ERC2: variants seen among roughly 807,000 people sequenced by gnomAD.
The protein encoded by ERC2 is ELKS/RAB6-interacting/CAST family member 2, also known as ERC protein 2.
ERC2 carries 42 observed loss-of-function variants against 114.8 expected under a neutral mutation model. The ratio of observed to expected loss-of-function variants is 0.37; its 90% CI spans 0.29 to 0.47. ERC2 has a LOEUF of 0.47. Among genes scored for constraint, ERC2 ranks in the 20% least tolerant of loss-of-function variants. The probability of loss-of-function intolerance (pLI) is 0.99; values close to 1 mark genes in which losing one functional copy is unlikely to be tolerated. For missense variants in ERC2, 939 were observed against 1,150.7 expected (o/e 0.82, Z 2.66); for synonymous variants, 454 against 425.5 (o/e 1.07, Z -0.82).
chr3:55,679,698 A>G (rs896949978), intron 17 of ERC2, among the ~76,000 whole-genome samples: 3 of 152,234 alleles, frequency 2.0e-5, no homozygotes, highest in Non-Finnish European at 4.4e-5. Flanking sequence ...CAGTTATACA[A>G]AATCTAAATT....
chr3:55,833,997 T>G (rs1309831337), intron 14 of ERC2, among the ~76,000 whole-genome samples: 3 of 150,326 alleles, frequency 2.0e-5, no homozygotes, highest in African/African-American at 7.3e-5. Flanking sequence ...CCAACAAAGA[T>G]CAAAAGAGAC....
At chr3:56,151,896 G>A (rs1367216413) in intron 4 of ERC2, among the ~76,000 whole-genome samples, 1 of 152,146 alleles carries the variant, frequency 6.6e-6, no homozygotes, top group Non-Finnish European at 1.5e-5. Flanking sequence ...GTTTCAGAAA[G>A]TAAAGCAACA....
Position 55,763,525 on chromosome 3 carries a change from G to A in ERC2, c.2565-28607C>T, listed in dbSNP as rs371394339. On this transcript the variant is annotated intron_variant, in intron 14 of 17. Coordinates refer to ENST00000288221, the MANE Select transcript of ERC2 (RefSeq NM_015576.3). ...GGGACTCTGACTCCTGCCAACTGGTGACCCTGAGCTTCAGTTCTGCCATCT... is the reference window on the plus strand; with the variant it reads ...GGGACTCTGACTCCTGCCAACTGGTAACCCTGAGCTTCAGTTCTGCCATCT... Among the ~76,000 whole-genome samples the A allele has an allele frequency of 7.9e-5, 12 of 152,306 alleles. No individual in the cohort carries two copies. In the East Asian group the frequency reaches 1.2e-3, roughly 15 times the overall value.
chr3:55,691,729 A>G (rs1377758534), intron 16 of ERC2, among the ~76,000 whole-genome samples: 4 of 151,528 alleles, frequency 2.6e-5, no homozygotes, highest in East Asian at 1.9e-4. Flanking sequence ...GGTTTTTTGT[A>G]TGTTCCATAA....
At chr3:55,900,594 C>T (rs1332955037) in intron 13 of ERC2, among the ~76,000 whole-genome samples, 1 of 152,166 alleles carries the variant, frequency 6.6e-6, no homozygotes, top group Non-Finnish European at 1.5e-5. Context: ...TTTCTATCAG[C>T]TCAAATCAAG....
chr3:56,214,954 T>G (rs527507582), intron 3 of ERC2, among the ~76,000 whole-genome samples: 2 of 152,302 alleles, frequency 1.3e-5, no homozygotes, highest in East Asian at 3.9e-4. Flanking sequence ...AGAGATCTTG[T>G]CATCACCATG....
Position 55,986,014 on chromosome 3 carries a change from C to A in ERC2, c.2256-26G>T, listed in dbSNP as rs1490246788. The A allele has an allele frequency of 2.0e-6, 3 of 1,537,890 alleles. No homozygotes were observed. In the South Asian group the frequency reaches 3.6e-5, roughly 18 times the overall value. Reference sequence around the variant, plus strand: ...CTGATTGGAGCAAGGGTGAAAGCAGCAATTTGGAGGATAAGCAGAAAGGAA... The same window carrying A: ...CTGATTGGAGCAAGGGTGAAAGCAGAAATTTGGAGGATAAGCAGAAAGGAA... On this transcript the variant is annotated intron_variant, in intron 11 of 17. Transcript: ENST00000288221.
chr3:55,650,851 T>C (rs2643617), intron 17 of ERC2, among the ~76,000 whole-genome samples: 137 of 124,436 alleles, frequency 1.1e-3, no homozygotes, highest in Non-Finnish European at 1.6e-3. Flanking sequence ...GTTTTTTTTT[T>C]CTTTTTTTTT....
At chr3:56,335,220 G>T (rs1384177609) in intron 2 of ERC2, among the ~76,000 whole-genome samples, 1 of 152,188 alleles carries the variant, frequency 6.6e-6, no homozygotes, top group Non-Finnish European at 1.5e-5. Context: ...AAGGCTGGTG[G>T]ATATTCTATT....
intron 2 of ERC2, among the ~76,000 whole-genome samples, chr3:56,324,364 A>G (rs2057262075): frequency 6.6e-6 from 1 of 152,184 alleles, no homozygotes; most frequent in Non-Finnish European, 1.5e-5. Flanking sequence ...TTGACTTAGC[A>G]CAAGGTTATG....
At chr3:56,328,764 A>G (rs1212201787) in intron 2 of ERC2, among the ~76,000 whole-genome samples, 2 of 152,216 alleles carry the variant, frequency 1.3e-5, no homozygotes, top group Non-Finnish European at 2.9e-5. Context: ...GTCACACACA[A>G]GAATAAGAGC....
intron 6 of ERC2, among the ~76,000 whole-genome samples, chr3:56,130,875 G>C (rs76262138): frequency 0.01 from 1,549 of 152,282 alleles, 32 homozygotes; most frequent in African/African-American, 0.035. Flanking sequence ...TCATTTGCTA[G>C]ATACAGGGAC....
At chr3:56,166,565 T>C (rs1423205993) in intron 4 of ERC2, among the ~76,000 whole-genome samples, 1 of 152,102 alleles carries the variant, frequency 6.6e-6, no homozygotes, top group Non-Finnish European at 1.5e-5. Flanking sequence ...ATTTATAGAA[T>C]CATTTCCTTT....
intron 17 of ERC2, among the ~76,000 whole-genome samples, chr3:55,599,303 A>G (rs1008623226): frequency 1.3e-5 from 2 of 152,158 alleles, no homozygotes; most frequent in Non-Finnish European, 2.9e-5. Flanking sequence ...AACACATCCT[A>G]TGAAGCATGG....
At chr3:55,909,329 G>T (rs1021111314) in intron 13 of ERC2, among the ~76,000 whole-genome samples, 1 of 152,216 alleles carries the variant, frequency 6.6e-6, no homozygotes, top group Non-Finnish European at 1.5e-5. Flanking sequence ...TGCTCCAGAA[G>T]GTGGCCAAAA....
At chr3:55,602,013 T>A (rs2058428756) in intron 17 of ERC2, among the ~76,000 whole-genome samples, 2 of 152,220 alleles carry the variant, frequency 1.3e-5, no homozygotes, top group South Asian at 4.1e-4. Context: ...TCAATAACTA[T>A]TTCTGAATGG....
At chr3:56,144,896 CA>C (rs1302437790) in intron 5 of ERC2, among the ~76,000 whole-genome samples, 1 of 152,108 alleles carries the variant, frequency 6.6e-6, no homozygotes, top group African/African-American at 2.4e-5. Flanking sequence ...GCTTCTTTTA[CA>C]GCCATAAATT....
At chr3:55,627,096 C>A (rs1312080709) in intron 17 of ERC2, among the ~76,000 whole-genome samples, 1 of 152,228 alleles carries the variant, frequency 6.6e-6, no homozygotes, top group Non-Finnish European at 1.5e-5. Context: ...GTGGATAAAT[C>A]ATCTCTGAAT....
At chr3:56,007,434 G>A in intron 9 of ERC2, 113 bp from the exon 10 acceptor site, 1 of 968,788 alleles carries the variant, frequency 1.0e-6, no homozygotes, top group Non-Finnish European at 1.5e-6. Flanking sequence ...AGACAGAAAG[G>A]GTAAATATAA....
Sources: gnomAD v4.1 joint callset for allele counts (sites outside exome capture counted in the v4.1 genomes callset) on GRCh38, gnomAD v4.1.1 for gene constraint, MANE v1.5 for transcripts, NCBI Gene and HGNC (gene_info 2026-07-23, HGNC 2026-07-21) for gene names.